Variants in IKZF2 observed in about 807,000 individuals in gnomAD.
IKZF2 encodes zinc finger protein Helios.
IKZF2 carries 15 observed loss-of-function variants against 49.2 expected under a neutral mutation model. The observed-to-expected ratio is 0.30, with a 90% CI of 0.20 to 0.47. IKZF2 has a LOEUF of 0.47. Ranked by LOEUF, IKZF2 falls within the 20% of genes least tolerant of loss-of-function variation. The pLI, the probability that IKZF2 is intolerant of heterozygous loss-of-function variation, is 1.00. For missense variants in IKZF2, 567 were observed against 664.6 expected, an observed-to-expected ratio of 0.85 and a Z score of 1.61; for synonymous variants, 227 against 221.4, an observed-to-expected ratio of 1.03 and a Z score of -0.23.
intron 5 of IKZF2, 161 bp downstream of exon 5, chr2:213,056,672 C>A: frequency 1.2e-6 from 1 of 855,556 alleles, no homozygotes; most frequent in African/African-American, 1.7e-5. Context: ...AGTCAAGACC[C>A]AGGCTACTCT....
intron 4 of IKZF2, among the ~76,000 whole-genome samples, chr2:213,124,268 A>G (rs879695147): frequency 0.059 from 8,009 of 134,814 alleles, 421 homozygotes; most frequent in African/African-American, 0.14. Flanking sequence ...ACACACACAC[A>G]CACACACACA....
intron 4 of IKZF2, among the ~76,000 whole-genome samples, chr2:213,133,085 C>T (rs951826078): frequency 6.6e-6 from 1 of 152,214 alleles, no homozygotes; most frequent in African/African-American, 2.4e-5. Context: ...GGACTAAAAG[C>T]ATGTCCTTCC....
chr2:213,021,896 A>T, intron 7 of IKZF2, 97 bp downstream of exon 7: 1 of 1,301,214 alleles, frequency 7.7e-7, no homozygotes, highest in Non-Finnish European at 1.1e-6. Context: ...AGTTAAAGTG[A>T]TCTAAAATAG....
At chr2:213,126,138 G>T (rs1400284058) in intron 4 of IKZF2, among the ~76,000 whole-genome samples, 1 of 152,060 alleles carries the variant, frequency 6.6e-6, no homozygotes, top group Non-Finnish European at 1.5e-5. Context: ...TCAGAATTTT[G>T]TAATGCTGGC....
chr2:213,048,449 C>G (rs776633068), intron 6 of IKZF2, among the ~76,000 whole-genome samples: 8 of 152,054 alleles, frequency 5.3e-5, no homozygotes, highest in Admixed American at 2.0e-4. Flanking sequence ...AATAATTTAA[C>G]TCTGGCTAGA....
rs967942950 is a variant in IKZF2 at position 213,119,281 on chromosome 2, C to A, written c.139+28427G>T. Reference sequence around the variant, plus strand: ...TTCATAGGTAATTCTCTAAAGCCAGCCCTATCTGTATAACCTTTGCTAGGG... The same window carrying A: ...TTCATAGGTAATTCTCTAAAGCCAGACCTATCTGTATAACCTTTGCTAGGG... On this transcript the variant is annotated intron_variant, in intron 4 of 8. Transcript: ENST00000434687. 2.6e-5 allele frequency among the ~76,000 whole-genome samples: 4 copies of A among 152,134 alleles called. No homozygotes were observed. The East Asian group carries it at 7.7e-4, about 29-fold the overall frequency.
intron 4 of IKZF2, among the ~76,000 whole-genome samples, chr2:213,079,144 G>A (rs1398617425): frequency 5.3e-5 from 8 of 152,032 alleles, no homozygotes; most frequent in Non-Finnish European, 1.2e-4. Context: ...AACAGTTTGG[G>A]AGCCTGGGTA....
chr2:213,140,993 A>G (rs1188545413), intron 4 of IKZF2, among the ~76,000 whole-genome samples: 1 of 151,904 alleles, frequency 6.6e-6, no homozygotes, highest in Non-Finnish European at 1.5e-5. Context: ...CCCTCTCCCA[A>G]ATTGTACCCT....
chr2:213,100,131 T>C (rs1461382815), intron 4 of IKZF2, among the ~76,000 whole-genome samples: 2 of 152,162 alleles, frequency 1.3e-5, no homozygotes, highest in African/African-American at 4.8e-5. Flanking sequence ...AATATCCTTC[T>C]GTGGGAAGGA....
intron 6 of IKZF2, among the ~76,000 whole-genome samples, chr2:213,041,236 C>T (rs1340431614): frequency 6.6e-6 from 1 of 151,542 alleles, no homozygotes; most frequent in African/African-American, 2.4e-5. Context: ...TAGACTAATA[C>T]CTTTTATTTT....
chr2:213,110,190 T>C (rs1406279496), intron 4 of IKZF2, among the ~76,000 whole-genome samples: 1 of 152,022 alleles, frequency 6.6e-6, no homozygotes, highest in African/African-American at 2.4e-5. Context: ...TTAGTGTTTT[T>C]TTCCTTTTGT....
chr2:213,103,747 C>T (rs2059426451), intron 4 of IKZF2, among the ~76,000 whole-genome samples: 1 of 151,920 alleles, frequency 6.6e-6, no homozygotes, highest in Admixed American at 6.6e-5. Context: ...ATTTTAAAGT[C>T]TATATAGATG....
At chr2:213,086,282 A>C (rs1443623170) in intron 4 of IKZF2, among the ~76,000 whole-genome samples, 4 of 152,228 alleles carry the variant, frequency 2.6e-5, no homozygotes, top group Non-Finnish European at 5.9e-5. Flanking sequence ...CTGTTTGAAT[A>C]GTTCATATCC....
intron 5 of IKZF2, chr2:213,056,565 C>A (rs1163463230): frequency 1.8e-6 from 1 of 554,816 alleles, no homozygotes; most frequent in Non-Finnish European, 3.2e-6. Context: ...TTCTCCTATA[C>A]CTTTTGAACC....
intron 4 of IKZF2, among the ~76,000 whole-genome samples, chr2:213,071,150 A>G (rs1301847797): frequency 2.0e-5 from 3 of 152,160 alleles, no homozygotes; most frequent in Admixed American, 6.6e-5. Flanking sequence ...CACTGGCTAT[A>G]AAAGAAACCA....
intron 4 of IKZF2, among the ~76,000 whole-genome samples, chr2:213,091,994 T>C (rs1705396422): frequency 6.6e-6 from 1 of 151,808 alleles, no homozygotes; most frequent in South Asian, 2.1e-4. Context: ...TATTAATTTA[T>C]CTATTTTATT....
intron 4 of IKZF2, among the ~76,000 whole-genome samples, chr2:213,082,715 A>G (rs1324119705): frequency 6.6e-6 from 1 of 152,202 alleles, no homozygotes; most frequent in Non-Finnish European, 1.5e-5. Flanking sequence ...ACTCTTCTTC[A>G]AAGTTTGGTG....
chr2:213,013,060 G>A (rs1350468233), intron 8 of IKZF2, among the ~76,000 whole-genome samples: 2 of 151,878 alleles, frequency 1.3e-5, no homozygotes, highest in Admixed American at 1.3e-4. Context: ...TAAGGGTTCG[G>A]AAATGAAAAG....
chr2:213,056,800 G>A (rs770744382), intron 5 of IKZF2, 33 bp downstream of exon 5: 3 of 1,611,732 alleles, frequency 1.9e-6, no homozygotes, highest in African/African-American at 1.3e-5. Context: ...AGATGTCACA[G>A]GCAGTCATCA....
Sources: gnomAD v4.1 joint callset for allele counts (sites outside exome capture counted in the v4.1 genomes callset) on GRCh38, gnomAD v4.1.1 for gene constraint, MANE v1.5 for transcripts, NCBI Gene and HGNC (gene_info 2026-07-23, HGNC 2026-07-21) for gene names.